CNTNAP4: variants seen among roughly 807,000 people sequenced by gnomAD.
The protein encoded by CNTNAP4 is contactin associated protein family member 4, also known as contactin-associated protein-like 4.
CNTNAP4 carries 98 observed loss-of-function variants against 148.4 expected under a neutral mutation model. That is an observed-to-expected ratio of 0.66 (90% confidence interval 0.56 to 0.78). The LOEUF (loss-of-function observed/expected upper bound fraction) is 0.78, where lower values mean the gene tolerates loss of function less well. Ranked by LOEUF, CNTNAP4 falls within the 30% of genes least tolerant of loss-of-function variation. The pLI, the probability that CNTNAP4 is intolerant of heterozygous loss-of-function variation, is 0.00. For missense variants in CNTNAP4, 1,935 were observed against 1,565.6 expected (o/e 1.24, Z -3.98); for synonymous variants, 730 against 565.1 (o/e 1.29, Z -4.14).
chr16:76,303,891 T>G (rs1205079039), intron 1 of CNTNAP4, among the ~76,000 whole-genome samples: 1 of 152,146 alleles, frequency 6.6e-6, no homozygotes, highest in Non-Finnish European at 1.5e-5. Context: ...AGGATAGCCA[T>G]GTGGTTACGA....
intron 8 of CNTNAP4, among the ~76,000 whole-genome samples, chr16:76,460,482 C>A (rs2080898891): frequency 6.6e-6 from 1 of 150,558 alleles, no homozygotes; most frequent in Admixed American, 6.6e-5. Context: ...ATAGTTAGGG[C>A]CAGGCGCGGT....
intron 3 of CNTNAP4, among the ~76,000 whole-genome samples, chr16:76,424,622 G>A (rs1027915112): frequency 2.0e-5 from 3 of 152,062 alleles, no homozygotes; most frequent in Non-Finnish European, 4.4e-5. Context: ...AGCCAGCCAT[G>A]GTGTCTGGGG....
intron 3 of CNTNAP4, among the ~76,000 whole-genome samples, chr16:76,372,913 T>C (rs1472248982): frequency 6.6e-6 from 1 of 152,200 alleles, no homozygotes; most frequent in East Asian, 1.9e-4. Flanking sequence ...TCCCAGAAGA[T>C]AGAAACTCCA....
chr16:76,532,038 T>C (rs1425709884), intron 17 of CNTNAP4, among the ~76,000 whole-genome samples: 1 of 152,226 alleles, frequency 6.6e-6, no homozygotes, highest in Non-Finnish European at 1.5e-5. Flanking sequence ...TTACTGTGTA[T>C]TTATTTTTAT....
At chr16:76,518,673 A>C (rs984071926) in intron 15 of CNTNAP4, among the ~76,000 whole-genome samples, 1 of 152,120 alleles carries the variant, frequency 6.6e-6, no homozygotes, top group African/African-American at 2.4e-5. Flanking sequence ...CATCACCTTG[A>C]GCATTTATCA....
intron 21 of CNTNAP4, among the ~76,000 whole-genome samples, chr16:76,546,242 C>T (rs926833112): frequency 6.6e-6 from 1 of 152,134 alleles, no homozygotes; most frequent in African/African-American, 2.4e-5. Context: ...GGAGATACTG[C>T]AAGATCAGTA....
intron 3 of CNTNAP4, among the ~76,000 whole-genome samples, chr16:76,403,678 C>G (rs192078558): frequency 5.8e-4 from 88 of 152,234 alleles, no homozygotes; most frequent in African/African-American, 2.0e-3. Context: ...CCATTTGGCC[C>G]AACAATCCCA....
intron 12 of CNTNAP4, among the ~76,000 whole-genome samples, chr16:76,489,050 T>C (rs1470625668): frequency 6.6e-6 from 1 of 152,172 alleles, no homozygotes; most frequent in African/African-American, 2.4e-5. Context: ...AAAATGAGTA[T>C]TTCAAATTTA....
At chr16:76,476,328 G>T (rs2081577635) in intron 11 of CNTNAP4, among the ~76,000 whole-genome samples, 1 of 152,168 alleles carries the variant, frequency 6.6e-6, no homozygotes, top group African/African-American at 2.4e-5. Context: ...TACTCAAATT[G>T]GGCCAGCATT....
chr16:76,449,007 C>G (rs1169096923), intron 6 of CNTNAP4, 56 bp downstream of exon 6: 1 of 1,506,928 alleles, frequency 6.6e-7, no homozygotes, highest in African/African-American at 1.4e-5. Flanking sequence ...GTGGTTTAAT[C>G]TCCCAGAGGA....
chr16:76,332,718 T>C (rs896513421), intron 2 of CNTNAP4, among the ~76,000 whole-genome samples: 14 of 145,084 alleles, frequency 9.6e-5, no homozygotes, highest in Non-Finnish European at 1.8e-4. Flanking sequence ...TGTTCATTTT[T>C]TTCTTTTTAT....
intron 9 of CNTNAP4, among the ~76,000 whole-genome samples, chr16:76,462,383 C>G (rs1488119718): frequency 1.3e-5 from 2 of 152,112 alleles, no homozygotes; most frequent in African/African-American, 4.8e-5. Context: ...CTATATTTTC[C>G]TAATGTTAAA....
In CNTNAP4 at chr16:76,313,458, C is replaced by G. The variant is rs149025883; in HGVS notation, c.86-2955C>G. On this transcript the variant is annotated intron_variant, in intron 1 of 23. Coordinates refer to ENST00000611870, the MANE Select transcript of CNTNAP4 (RefSeq NM_033401.5). ...TACATGCCACAGTTTCCAGAGCATA[C>G]TAAAACATTTTTGTTGTTGCCTGTA... Among the ~76,000 whole-genome samples the G allele has an allele frequency of 2.0e-3, 298 of 152,274 alleles. 2 individuals are homozygous for G. The highest frequency in any genetic ancestry group is 6.5e-3 in the African/African-American group (269 of 41,560).
rs530028111 is a variant in CNTNAP4 at position 76,393,554 on chromosome 16, G to C, written c.391-33898G>C. On this transcript the variant is annotated intron_variant, in intron 3 of 23. Coordinates refer to ENST00000611870, the MANE Select transcript of CNTNAP4 (RefSeq NM_033401.5). ...AGTGCTCACAGCCTCTTGGGGCTTA[G>C]AGGCCTGCAAATGAATGGAGATCCT... is the stretch of plus-strand genomic sequence containing the variant. Among the ~76,000 whole-genome samples, 13 of 152,258 alleles carry C rather than the reference G, an allele frequency of 8.5e-5. No homozygotes were observed. In the East Asian group the frequency reaches 2.5e-3, roughly 29 times the overall value.
In CNTNAP4 at chr16:76,430,958, G is replaced by A. The variant is rs575390852; in HGVS notation, c.538+3359G>A. ...ATTGGTACTTGCCAAAAAGAACTAGGTATGGGGTATAGGGAGATATTCTAA... is the reference window on the plus strand; with the variant it reads ...ATTGGTACTTGCCAAAAAGAACTAGATATGGGGTATAGGGAGATATTCTAA... On this transcript the variant is annotated intron_variant, in intron 4 of 23. Transcript: ENST00000611870. Among the ~76,000 whole-genome samples the A allele has an allele frequency of 1.3e-5, 2 of 152,224 alleles. 1 individual carries two copies. Among genetic ancestry groups the A allele is most frequent in the Admixed American group, 1.3e-4 (2 of 15,296 alleles).
intron 1 of CNTNAP4, among the ~76,000 whole-genome samples, chr16:76,300,206 TACTTTTAAAGAATATC>T (rs1308235174): frequency 6.6e-6 from 1 of 152,132 alleles, no homozygotes; most frequent in East Asian, 1.9e-4. Context: ...ATCACTGATG[TACTTTTAAAGAATATC>T]ACTTTTAAAG....
chr16:76,519,572 C>A (rs1445178802), intron 15 of CNTNAP4, among the ~76,000 whole-genome samples: 2 of 152,126 alleles, frequency 1.3e-5, no homozygotes, highest in Non-Finnish European at 2.9e-5. Context: ...GCATCTAATT[C>A]CTTCTGAAAA....
chr16:76,312,714 T>A (rs1188937397), intron 1 of CNTNAP4, among the ~76,000 whole-genome samples: 2 of 152,214 alleles, frequency 1.3e-5, no homozygotes, highest in African/African-American at 4.8e-5. Context: ...TCTTACATAG[T>A]GGATTCTGGA....
chr16:76,535,951 A>G (rs1466373288), intron 18 of CNTNAP4, among the ~76,000 whole-genome samples, 167 bp downstream of exon 18: 1 of 152,222 alleles, frequency 6.6e-6, no homozygotes, highest in Non-Finnish European at 1.5e-5. Context: ...CCTGGTGATG[A>G]GACAGCATCA....
Sources: gnomAD v4.1 joint callset for allele counts (sites outside exome capture counted in the v4.1 genomes callset) on GRCh38, gnomAD v4.1.1 for gene constraint, MANE v1.5 for transcripts, NCBI Gene and HGNC (gene_info 2026-07-23, HGNC 2026-07-21) for gene names.